The following UGT2A3 variants were observed in gnomAD, a reference collection of about 807,000 sequenced individuals.
UGT2A3 encodes the protein UDP glucuronosyltransferase family 2 member A3.
A neutral mutation model predicts 44.1 loss-of-function variants in UGT2A3; 55 were observed. The observed-to-expected ratio is 1.25, with a 90% CI of 1.00 to 1.56. The LOEUF is 1.56. UGT2A3 is among the 40% of genes most tolerant of loss of function. The pLI is 0.00. For missense variants in UGT2A3, 733 were observed against 621.6 expected (o/e 1.18, Z -1.91); for synonymous variants, 243 against 215.1 (o/e 1.13, Z -1.13).
At chr4:68,940,747 C>T (rs1160010345) in intron 2 of UGT2A3, among the ~76,000 whole-genome samples, 1 of 146,014 alleles carries the variant, frequency 6.8e-6, no homozygotes, top group African/African-American at 2.5e-5. Context: ...CACATATATA[C>T]ATATATATAA....
intron 2 of UGT2A3, among the ~76,000 whole-genome samples, chr4:68,936,550 T>TC (rs1314129973): frequency 6.6e-6 from 1 of 151,810 alleles, no homozygotes; most frequent in Non-Finnish European, 1.5e-5. Context: ...TTACAAGAGC[T>TC]CCCGAAGGAA....
Position 68,945,543 on chromosome 4 carries a change from A to G in UGT2A3, c.716-89T>C, listed in dbSNP as rs921882305. ...TTTTCAGTAAGCTATTAAGAAAAAA[A>G]TAAGTTTAAGTCCTCTAGAACAACA... On this transcript the variant is annotated intron_variant, in intron 1 of 5. Transcript: ENST00000251566. 4.1e-6 allele frequency: 5 copies of G among 1,213,762 alleles called. No homozygotes were observed. The African/African-American group carries it at 4.7e-5, about 11-fold the overall frequency. 75.2% of individuals were successfully genotyped at this position (1,213,762 alleles called of 1,614,324 possible). A position where few individuals can be genotyped will look rare whatever the true frequency, so the allele number is the denominator to read the frequency against.
chr4:68,945,574 T>C (rs1437680730), intron 1 of UGT2A3, 120 bp from the exon 2 acceptor site: 1 of 588,852 alleles, frequency 1.7e-6, no homozygotes, highest in Non-Finnish European at 2.6e-6. Context: ...CAACATGGCT[T>C]TTAGACGTCA....
At position 68,928,646 on chromosome 4, in the gene UGT2A3, TA is replaced by T. The variant is rs1717604160; in HGVS notation, c.*1166del. 6.6e-6 allele frequency: 1 copy of T among 151,976 alleles called. No individual in the cohort carries two copies. The highest frequency in any genetic ancestry group is 2.4e-5 in the African/African-American group (1 of 41,436). 9.4% of individuals were successfully genotyped at this position (151,976 alleles called of 1,614,324 possible). ...AGCCAATTTATTTATTTAAAACTAT[TA>T]ATAGGCATATCACTAAGATTATATG... On this transcript the variant is annotated 3_prime_UTR_variant, in exon 6 of 6. Coordinates refer to ENST00000251566, the MANE Select transcript of UGT2A3 (RefSeq NM_024743.4).
In UGT2A3 at chr4:68,930,596, C is replaced by G. The variant is rs757379097; in HGVS notation, c.1254G>C (p.Met418Ile). 4 of 1,613,368 alleles carry G rather than the reference C, an allele frequency of 2.5e-6. No individual in the cohort carries two copies. The highest frequency in any genetic ancestry group is 1.3e-5 in the African/African-American group (1 of 74,972). ...AAGCCCTCAGTAAATCTTCGCTTGT[C>G]ATAGTTTTGAAGTTTATTTCTACAG... ...GAAVEINFKT[M>I]TSEDLLRALR... Residue 418 changes from methionine to isoleucine, a missense_variant, in exon 5 of 6, where the codon ATG becomes ATC. Transcript: ENST00000251566.
chr4:68,948,588 C>T (rs894194882), intron 1 of UGT2A3, among the ~76,000 whole-genome samples: 2 of 151,488 alleles, frequency 1.3e-5, no homozygotes, highest in South Asian at 2.1e-4. Flanking sequence ...ACTGGGATTA[C>T]AGATATGAAT....
In UGT2A3 at chr4:68,931,178, CA is replaced by C; in HGVS notation, c.1060del (p.Trp354GlyfsTer22). ...TLGANTRLYD[W>X]IPQNDLLGHP... ...ACCAAGAAGATCATTCTGGGGTATC[CA>C]ATCATACAGCCGAGTATTGGCTCCT... On this transcript the variant is annotated frameshift_variant, in exon 4 of 6. Transcript: ENST00000251566. LOFTEE classifies it high-confidence loss of function. 6.2e-7 allele frequency: 1 copy of C among 1,612,852 alleles called. No individual in the cohort carries two copies. Among genetic ancestry groups the C allele is most frequent in the South Asian group, 1.1e-5 (1 of 91,042 alleles).
intron 2 of UGT2A3, among the ~76,000 whole-genome samples, chr4:68,937,968 G>A (rs1314757698): frequency 6.6e-6 from 1 of 152,062 alleles, no homozygotes. Context: ...TAAAGAAACG[G>A]ATGAATTCCT....
chr4:68,948,439 C>CTTTT (rs60082800), intron 1 of UGT2A3, among the ~76,000 whole-genome samples: 31 of 110,126 alleles, frequency 2.8e-4, no homozygotes, highest in East Asian at 1.2e-3. Flanking sequence ...TCTTTTTTTT[C>CTTTT]TTTTTTTTTT....
chr4:68,930,345 TA>T (rs2109774711), intron 5 of UGT2A3, among the ~76,000 whole-genome samples, 200 bp downstream of exon 5: 1 of 152,170 alleles, frequency 6.6e-6, no homozygotes, highest in Non-Finnish European at 1.5e-5. Flanking sequence ...GTTGTTAACT[TA>T]AACCTAATAT....
At chr4:68,936,618 TA>T (rs1364958555) in intron 2 of UGT2A3, among the ~76,000 whole-genome samples, 1 of 151,956 alleles carries the variant, frequency 6.6e-6, no homozygotes, top group Non-Finnish European at 1.5e-5. Flanking sequence ...TGCCAAATTG[TA>T]AAGACCATCA....
intron 1 of UGT2A3, among the ~76,000 whole-genome samples, chr4:68,946,044 C>G (rs978988868): frequency 1.3e-5 from 2 of 151,538 alleles, no homozygotes; most frequent in Non-Finnish European, 1.5e-5. Flanking sequence ...TTTACTGATT[C>G]TTACCCATGA....
Position 68,929,827 on chromosome 4 carries a change from C to T in UGT2A3, c.1570G>A (p.Glu524Lys), listed in dbSNP as rs1385575825. ...CQKFNKTRKI[E>K]KRE ...TTTGGAAAGATCTATTCCCTCTTTT[C>T]TATCTTTCTAGTTTTATTAAATTTT... is the stretch of plus-strand genomic sequence containing the variant. The change falls in exon 6 of 6, where the codon GAA becomes AAA. Residue 524 changes from glutamate to lysine, a missense_variant. Transcript: ENST00000251566. 3 of 1,596,504 alleles carry T rather than the reference C, an allele frequency of 1.9e-6. No homozygotes were observed. Among genetic ancestry groups the T allele is most frequent in the African/African-American group, 1.3e-5 (1 of 74,444 alleles).
intron 2 of UGT2A3, among the ~76,000 whole-genome samples, chr4:68,940,671 T>C (rs564173536): frequency 1.2e-4 from 18 of 150,700 alleles, no homozygotes; most frequent in African/African-American, 4.4e-4. Flanking sequence ...ATCCTGCACA[T>C]GTACCCTTGA....
At chr4:68,935,974 T>C (rs1423933365) in intron 2 of UGT2A3, among the ~76,000 whole-genome samples, 2 of 151,658 alleles carry the variant, frequency 1.3e-5, no homozygotes, top group East Asian at 3.9e-4. Flanking sequence ...TGATTGAAGA[T>C]CAAATTAATG....
chr4:68,949,576 C>T (rs565456577), intron 1 of UGT2A3, among the ~76,000 whole-genome samples: 1 of 152,002 alleles, frequency 6.6e-6, no homozygotes, highest in African/African-American at 2.4e-5. Context: ...AAAGTACACA[C>T]TTGCTGTTGG....
chr4:68,941,850 A>C (rs961447345), intron 2 of UGT2A3, among the ~76,000 whole-genome samples: 1 of 151,954 alleles, frequency 6.6e-6, no homozygotes, highest in Non-Finnish European at 1.5e-5. Context: ...TCTCAAAAGA[A>C]GACTATCAGT....
chr4:68,928,788 G>A lies in UGT2A3; in HGVS notation c.*1025C>T, dbSNP rs1355419107. The A allele has an allele frequency of 2.0e-5, 3 of 151,712 alleles. No homozygotes were observed. The highest frequency in any genetic ancestry group is 4.4e-5 in the Non-Finnish European group (3 of 67,860). The allele number at this position is 151,712 out of a possible 1,614,324, so 9.4% of individuals were successfully genotyped here. On this transcript the variant is annotated 3_prime_UTR_variant, in exon 6 of 6. Coordinates refer to ENST00000251566, the MANE Select transcript of UGT2A3 (RefSeq NM_024743.4). ...AAATATTTAATATATAATACTATTT[G>A]TTATGCAGGTTTTCTAATACCTTAA... is the stretch of plus-strand genomic sequence containing the variant.
chr4:68,950,999 A>C (rs1023261971), intron 1 of UGT2A3, 47 bp downstream of exon 1: 1 of 1,342,488 alleles, frequency 7.4e-7, no homozygotes, highest in Non-Finnish European at 1.0e-6. Context: ...ATTTTTAAAA[A>C]TATTTCTTTT....
Sources: allele counts gnomAD v4.1 joint callset (sites outside exome capture counted in the v4.1 genomes callset), GRCh38; gene constraint gnomAD v4.1.1; transcripts MANE v1.5; gene names NCBI Gene and HGNC (gene_info 2026-07-23, HGNC 2026-07-21).